Variants in SYNPR observed in about 807,000 individuals in gnomAD.
SYNPR encodes the protein synaptoporin.
A neutral mutation model predicts 32.9 loss-of-function variants in SYNPR; 23 were observed. The observed-to-expected ratio is 0.70, with a 90% CI of 0.50 to 0.99. The LOEUF (loss-of-function observed/expected upper bound fraction) is 0.99. Ranked by LOEUF, SYNPR falls within the 50% of genes least tolerant of loss-of-function variation. The pLI is 0.00. For synonymous variants in SYNPR, 146 were observed against 135.9 expected, an observed-to-expected ratio of 1.07 and a Z score of -0.52; for missense variants, 318 against 349.3, an observed-to-expected ratio of 0.91 and a Z score of 0.71.
chr3:63,595,948 G>A (rs1339681762), intron 4 of SYNPR, among the ~76,000 whole-genome samples: 2 of 104,442 alleles, frequency 1.9e-5, no homozygotes, highest in Admixed American at 1.1e-4. Flanking sequence ...TATATATATA[G>A]TTTTATATAT....
At chr3:63,430,771 T>C (rs568784533) in intron 2 of SYNPR, among the ~76,000 whole-genome samples, 4 of 152,194 alleles carry the variant, frequency 2.6e-5, no homozygotes, top group African/African-American at 9.7e-5. Context: ...GCTCCATTTT[T>C]TTTTTCTTTC....
chr3:63,427,562 C>G (rs923887056), intron 2 of SYNPR: 1 of 152,282 alleles, frequency 6.6e-6, no homozygotes, highest in Non-Finnish European at 1.5e-5. Context: ...CCCTCACGCC[C>G]CAGCTCAGCC....
intron 2 of SYNPR, among the ~76,000 whole-genome samples, chr3:63,442,219 G>A (rs1040466870): frequency 2.7e-5 from 4 of 150,186 alleles, no homozygotes; most frequent in Non-Finnish European, 5.9e-5. Flanking sequence ...GAAGGAGACA[G>A]AGATACAAAG....
intron 2 of SYNPR, among the ~76,000 whole-genome samples, chr3:63,315,547 G>A (rs1197080206): frequency 2.0e-5 from 3 of 151,896 alleles, no homozygotes; most frequent in East Asian, 3.9e-4. Context: ...TTTGGTCGCT[G>A]TTGATGTATA....
chr3:63,516,613 G>A (rs1701805894), intron 3 of SYNPR, among the ~76,000 whole-genome samples: 1 of 152,042 alleles, frequency 6.6e-6, no homozygotes, highest in African/African-American at 2.4e-5. Context: ...ATCAAATTAA[G>A]CTATCAAGTA....
chr3:63,416,322 G>C (rs1032558792), intron 2 of SYNPR, among the ~76,000 whole-genome samples: 2 of 152,000 alleles, frequency 1.3e-5, no homozygotes, highest in Non-Finnish European at 2.9e-5. Context: ...CCTGAGGTTC[G>C]GAGCTTGAGA....
chr3:63,276,381 A>G (rs2086573982), upstream of SYNPR, among the ~76,000 whole-genome samples: 1 of 152,148 alleles, frequency 6.6e-6, no homozygotes, highest in African/African-American at 2.4e-5. Context: ...CTTTGCTTCT[A>G]TAGAAGTGAT....
chr3:63,544,034 T>C (rs1702354212), intron 3 of SYNPR, among the ~76,000 whole-genome samples: 2 of 151,772 alleles, frequency 1.3e-5, no homozygotes, highest in Non-Finnish European at 2.9e-5. Flanking sequence ...GGTTAAGGGG[T>C]TTGAATATGA....
intron 2 of SYNPR, among the ~76,000 whole-genome samples, chr3:63,332,230 T>C (rs1159565345): frequency 6.6e-6 from 1 of 152,178 alleles, no homozygotes; most frequent in Non-Finnish European, 1.5e-5. Flanking sequence ...TTCACCCCTC[T>C]TTACTCCCTA....
upstream of SYNPR, among the ~76,000 whole-genome samples, chr3:63,225,972 G>GT (rs750944168): frequency 9.2e-5 from 14 of 151,862 alleles, no homozygotes; most frequent in Middle Eastern, 6.8e-3. Flanking sequence ...AAAAATCCCA[G>GT]TAAAAAGTAG....
chr3:63,441,874 C>T (rs1228133141), intron 2 of SYNPR, among the ~76,000 whole-genome samples: 1 of 152,158 alleles, frequency 6.6e-6, no homozygotes, highest in Admixed American at 6.5e-5. Context: ...GGTGAAAGCA[C>T]TGCCTTGCCC....
At chr3:63,401,785 CTTGGGAATCCTT>C (rs2088297163) in intron 2 of SYNPR, among the ~76,000 whole-genome samples, 1 of 152,148 alleles carries the variant, frequency 6.6e-6, no homozygotes, top group African/African-American at 2.4e-5. Flanking sequence ...TGAATGTGGC[CTTGGGAATCCTT>C]GTGGGAATCA....
At chr3:63,448,051 T>C (rs1700310586) in intron 2 of SYNPR, among the ~76,000 whole-genome samples, 1 of 151,762 alleles carries the variant, frequency 6.6e-6, no homozygotes, top group East Asian at 1.9e-4. Flanking sequence ...CCTCCCAGGC[T>C]GGAGTGCAGT....
At chr3:63,436,778 C>T (rs9864751) in intron 2 of SYNPR, among the ~76,000 whole-genome samples, 3,358 of 152,224 alleles carry the variant, frequency 0.022, 102 homozygotes, top group African/African-American at 0.069. Flanking sequence ...CTTTATTTGC[C>T]TCAAGCCATG....
rs550875139 is a variant in SYNPR, at chr3:63,438,395, T to C, written c.85-42437T>C. On this transcript the variant is annotated intron_variant, in intron 2 of 5. Transcript: ENST00000478300. ...TTGTCATATAGATGAGTGCTTGCTA[T>C]GTTGCCTAGGCTGGTCTCGAACTCC... Among the ~76,000 whole-genome samples the C allele has an allele frequency of 2.6e-5, 4 of 152,354 alleles. No homozygotes were observed. The South Asian group carries it at 8.3e-4, about 32-fold the overall frequency.
At chr3:63,287,834 AG>A (rs1461286143) in intron 2 of SYNPR, among the ~76,000 whole-genome samples, 9 of 152,176 alleles carry the variant, frequency 5.9e-5, no homozygotes, top group Admixed American at 2.0e-4. Flanking sequence ...ACCGCTGTCA[AG>A]GAAACAGGGC....
chr3:63,400,631 A>G (rs1036240107), intron 2 of SYNPR, among the ~76,000 whole-genome samples: 1 of 152,108 alleles, frequency 6.6e-6, no homozygotes, highest in Non-Finnish European at 1.5e-5. Flanking sequence ...GTCATACACC[A>G]TTGCTGTCAT....
intron 2 of SYNPR, among the ~76,000 whole-genome samples, chr3:63,339,652 TC>T (rs2087338086): frequency 6.7e-6 from 1 of 149,396 alleles, no homozygotes; most frequent in Admixed American, 6.8e-5. Context: ...CCATAAAAAT[TC>T]CTTGTGTTCT....
chr3:63,441,850 A>G (rs1277303276), intron 2 of SYNPR, among the ~76,000 whole-genome samples: 1 of 152,196 alleles, frequency 6.6e-6, no homozygotes, highest in Non-Finnish European at 1.5e-5. Context: ...CCCAGTTTGC[A>G]GGTGTGTAGT....
Sources: gnomAD v4.1 joint callset for allele counts (sites outside exome capture counted in the v4.1 genomes callset) on GRCh38, gnomAD v4.1.1 for gene constraint, MANE v1.5 for transcripts, NCBI Gene and HGNC (gene_info 2026-07-23, HGNC 2026-07-21) for gene names.